The following NUBP1 variants were observed in gnomAD, a reference collection of about 807,000 sequenced individuals.
NUBP1 encodes NUBP iron-sulfur cluster assembly factor 1, cytosolic.
In NUBP1, 46 loss-of-function variants were observed where a neutral mutation model predicts 41.8. The ratio of observed to expected loss-of-function variants is 1.10; its 90% CI spans 0.87 to 1.41. The LOEUF (loss-of-function observed/expected upper bound fraction) is 1.41. Ranked by LOEUF, NUBP1 falls within the 40% of genes most tolerant of loss-of-function variation. The probability of loss-of-function intolerance (pLI) is 0.00; values close to 1 mark genes in which losing one functional copy is unlikely to be tolerated. For synonymous variants in NUBP1, 189 were observed against 154.6 expected (o/e 1.22, Z -1.65); for missense variants, 494 against 414.0 (o/e 1.19, Z -1.68).
In NUBP1 at chr16:10,761,967, G is replaced by A; in HGVS notation, c.820+108G>A. 4.8e-6 allele frequency: 4 copies of A among 837,596 alleles called. No homozygotes were observed. The South Asian group carries it at 4.9e-5, about 10-fold the overall frequency. The allele number at this position is 837,596 out of a possible 1,614,324, so 51.9% of individuals were successfully genotyped here. A position where few individuals can be genotyped will look rare whatever the true frequency, so the allele number is the denominator to read the frequency against. ...AGAGAGGGGCAATGGAAGGAGGAGG[G>A]TCAATGGGGCGCTGGAGCCAGACCC... On this transcript the variant is annotated intron_variant, in intron 9 of 10. Transcript: ENST00000283027.
At chr16:10,762,829 G>GA (rs1404150578) in intron 9 of NUBP1, among the ~76,000 whole-genome samples, 14 of 152,250 alleles carry the variant, frequency 9.2e-5, no homozygotes, top group Admixed American at 1.3e-4. Context: ...GGAGAGGGCG[G>GA]GGCCCGTGGA....
chr16:10,767,956 T>C lies in NUBP1; in HGVS notation c.828T>C (p.Asn276=), dbSNP rs747491057. 4.3e-6 allele frequency: 7 copies of C among 1,614,172 alleles called. No homozygotes were observed. Among genetic ancestry groups the C allele is most frequent in the South Asian group, 2.2e-5 (2 of 91,078 alleles). ...RVPLDPLIGK[N]CDKGQSFFID... is the part of the protein sequence containing the mutation. The stretch of plus-strand genomic sequence containing the variant: ...GTTTGTTTCTTTTTTAAGGTAAGAA[T>C]TGTGACAAAGGCCAGTCTTTTTTCA... Residue 276 remains asparagine (N), a synonymous_variant, in exon 10 of 11, where the codon AAT becomes AAC. Transcript: ENST00000283027. The surrounding 1 kb of genome is among the most constrained non-coding windows in gnomAD (Gnocchi z 4.6).
chr16:10,762,861 G>A (rs532243839), intron 9 of NUBP1, among the ~76,000 whole-genome samples: 89 of 152,240 alleles, frequency 5.8e-4, no homozygotes, highest in Middle Eastern at 6.8e-3. Flanking sequence ...CGGGGAGGGC[G>A]GAGGCCACGT....
At position 10,769,138 on chromosome 16, in the gene NUBP1, G is replaced by T. The variant is rs376901396; in HGVS notation, c.*33G>T. On this transcript the variant is annotated 3_prime_UTR_variant, in exon 11 of 11. Coordinates refer to ENST00000283027, the MANE Select transcript of NUBP1 (RefSeq NM_002484.4). The stretch of plus-strand genomic sequence containing the variant: ...GAATGTTCAGGACCAAGCAGTTACC[G>T]AGCGAGGCACTCACTGGGCAGCACA... 1.2e-5 allele frequency: 19 copies of T among 1,606,790 alleles called. No homozygotes were observed. The South Asian group carries it at 1.7e-4, about 14-fold the overall frequency.
rs1899935846 is a variant in NUBP1 at position 10,744,023 on chromosome 16, C to G, written c.82C>G (p.Gln28Glu). 1 of 1,580,148 alleles carries G rather than the reference C, an allele frequency of 6.3e-7. No homozygotes were observed. Residue 28 changes from glutamine to glutamate, a missense_variant, in exon 2 of 11, where the codon CAG becomes GAG. By Grantham distance (29) the Gln-to-Glu change is conservative. Transcript: ENST00000283027. Reference protein sequence around the residue: ...RGASCQGCPNQRLCASGAGAT... With the variant: ...RGASCQGCPNERLCASGAGAT... ...GGCTTCATGTCAGGGATGCCCCAAC[C>G]AGCGGCTGTGCGCTTCTGGAGCGGG...
At position 10,761,412 on chromosome 16, in the gene NUBP1, G is replaced by A; in HGVS notation, c.655G>A (p.Val219Met). The A allele has an allele frequency of 6.2e-7, 1 of 1,614,178 alleles. No individual in the cohort carries two copies. The highest frequency in any genetic ancestry group is 8.5e-7 in the Non-Finnish European group (1 of 1,180,014). The change falls in exon 8 of 11, where the codon GTG becomes ATG. Residue 219 changes from valine to methionine, a missense_variant. By Grantham distance (21) the Val-to-Met change is conservative. Coordinates refer to ENST00000283027, the MANE Select transcript of NUBP1 (RefSeq NM_002484.4). ...VRKEINFCRKVKLPIIGVVEN... is the reference protein window; with the variant it reads ...VRKEINFCRKMKLPIIGVVEN... ...GAAAGAAATCAACTTCTGCCGCAAG[G>A]TGAAGCTGCCCATCATCGGGGTGGT...
chr16:10,755,094 C>A (rs1409517337), intron 4 of NUBP1, among the ~76,000 whole-genome samples: 28 of 152,158 alleles, frequency 1.8e-4, no homozygotes, highest in Admixed American at 1.8e-3. Context: ...ATGCTTGTGA[C>A]TGTACAGAAA....
At position 10,749,160 on chromosome 16, in the gene NUBP1, C is replaced by CACACACACACACACAG. The variant is rs1219716561; in HGVS notation, c.258+1894_258+1895insACACAGACACACACAC. Among the ~76,000 whole-genome samples, 1 of 150,526 alleles carries CACACACACACACACAG rather than the reference C, an allele frequency of 6.6e-6. No individual in the cohort carries two copies. Among genetic ancestry groups the CACACACACACACACAG allele is most frequent in the African/African-American group, 2.4e-5 (1 of 40,884 alleles). On this transcript the variant is annotated intron_variant, in intron 3 of 10. Transcript: ENST00000283027. The surrounding 1 kb of genome is among the most constrained non-coding windows in gnomAD (Gnocchi z 4.1). ...ACACACACACACACACACACACACA[C>CACACACACACACACAG]ACACACACACGTTGATTCGTCATTC...
chr16:10,747,616 C>T (rs1900120768), intron 3 of NUBP1, among the ~76,000 whole-genome samples: 1 of 152,104 alleles, frequency 6.6e-6, no homozygotes. Flanking sequence ...GCCTGGGTGG[C>T]AGAATGAGAC....
intron 2 of NUBP1, among the ~76,000 whole-genome samples, chr16:10,746,406 G>A (rs1048624795): frequency 6.6e-6 from 1 of 152,116 alleles, no homozygotes; most frequent in East Asian, 1.9e-4. Context: ...AATCTGGGCT[G>A]TACCCATTAA....
intron 4 of NUBP1, among the ~76,000 whole-genome samples, chr16:10,753,982 C>A (rs1900439535): frequency 6.6e-6 from 1 of 152,078 alleles, no homozygotes; most frequent in African/African-American, 2.4e-5. Context: ...GCGATGTCAC[C>A]CTGTGAGGCT....
At chr16:10,761,956 G>A in intron 9 of NUBP1, 97 bp downstream of exon 9, 1 of 929,168 alleles carries the variant, frequency 1.1e-6, no homozygotes, top group Non-Finnish European at 1.7e-6. Flanking sequence ...AGGGGCAATG[G>A]AAGGAGGAGG....
intron 3 of NUBP1, among the ~76,000 whole-genome samples, chr16:10,748,800 C>T (rs372930344): frequency 1.3e-5 from 2 of 152,052 alleles, no homozygotes; most frequent in African/African-American, 2.4e-5. Context: ...ATTCAAAATA[C>T]ACTTGTTGGG....
At chr16:10,745,039 T>G (rs559869524) in intron 2 of NUBP1, among the ~76,000 whole-genome samples, 1 of 150,332 alleles carries the variant, frequency 6.7e-6, no homozygotes, top group South Asian at 2.2e-4. Flanking sequence ...ATTACAGGCA[T>G]GAGCCACTGC....
At chr16:10,746,513 G>C (rs552662616) in intron 2 of NUBP1, among the ~76,000 whole-genome samples, 16 of 152,306 alleles carry the variant, frequency 1.1e-4, no homozygotes, top group South Asian at 4.1e-4. Context: ...GGCCAAGGTG[G>C]GTGGATCACT....
chr16:10,746,696 C>A (rs931066041), intron 2 of NUBP1, among the ~76,000 whole-genome samples: 3 of 151,970 alleles, frequency 2.0e-5, no homozygotes, highest in Non-Finnish European at 2.9e-5. Context: ...GCCGAGATCA[C>A]GCCACTGCAC....
intron 4 of NUBP1, among the ~76,000 whole-genome samples, chr16:10,754,026 G>A (rs766528088): frequency 6.6e-6 from 1 of 152,206 alleles, no homozygotes; most frequent in East Asian, 1.9e-4. Context: ...GGTAGCACAC[G>A]CCACAGTGAA....
In NUBP1 at chr16:10,768,088, A is replaced by C; in HGVS notation, c.904+56A>C. ...TGCCTGTGGGGCAGGAAGCAACATA[A>C]AGGAGCCAGGGGTGTGGAAGGACAG... On this transcript the variant is annotated intron_variant, in intron 10 of 10. Coordinates refer to ENST00000283027, the MANE Select transcript of NUBP1 (RefSeq NM_002484.4). The surrounding 1 kb of genome is among the most constrained non-coding windows in gnomAD (Gnocchi z 4.3). 6.5e-7 allele frequency: 1 copy of C among 1,544,776 alleles called. No homozygotes were observed. Among genetic ancestry groups the C allele is most frequent in the Non-Finnish European group, 8.9e-7 (1 of 1,120,158 alleles).
At chr16:10,763,236 T>C (rs925373446) in intron 9 of NUBP1, among the ~76,000 whole-genome samples, 1 of 152,030 alleles carries the variant, frequency 6.6e-6, no homozygotes, top group Non-Finnish European at 1.5e-5. Flanking sequence ...AGGTGGTTCA[T>C]GTCCGTGCAG....
Sources: allele counts gnomAD v4.1 joint callset (sites outside exome capture counted in the v4.1 genomes callset), GRCh38; gene constraint gnomAD v4.1.1; non-coding constraint Gnocchi (gnomAD v3.1); transcripts MANE v1.5; gene names NCBI Gene and HGNC (gene_info 2026-07-23, HGNC 2026-07-21).